The following SLC24A4 variants were observed in gnomAD, a reference collection of about 807,000 sequenced individuals.
SLC24A4 encodes the protein sodium/potassium/calcium exchanger 4.
A neutral mutation model predicts 79.0 loss-of-function variants in SLC24A4; 53 were observed. The ratio of observed to expected loss-of-function variants is 0.67; its 90% CI spans 0.54 to 0.84. SLC24A4 has a LOEUF of 0.84. Among genes scored for constraint, SLC24A4 ranks in the 40% least tolerant of loss-of-function variants. The pLI is 0.00. For synonymous variants in SLC24A4, 323 were observed against 323.8 expected (o/e 1.00, Z 0.03); for missense variants, 731 against 822.0 (o/e 0.89, Z 1.35).
intron 12 of SLC24A4, among the ~76,000 whole-genome samples, chr14:92,476,057 A>C (rs553027749): frequency 2.6e-5 from 4 of 152,330 alleles, no homozygotes; most frequent in African/African-American, 9.6e-5. Context: ...GGCAAGAAAA[A>C]GGCAAACACC....
rs1009603966 is a variant in SLC24A4, at chr14:92,353,636, G to A, written c.241+27658G>A. Among the ~76,000 whole-genome samples the A allele has an allele frequency of 3.1e-4, 47 of 152,204 alleles. No individual in the cohort carries two copies. The highest frequency in any genetic ancestry group is 1.1e-3 in the African/African-American group (46 of 41,438). ...TCAGTTTGTTTCAGTCATGAGTGAGGTTGAGCATTTTTCCTATTAGAGTCA... is the reference window on the plus strand; with the variant it reads ...TCAGTTTGTTTCAGTCATGAGTGAGATTGAGCATTTTTCCTATTAGAGTCA... On this transcript the variant is annotated intron_variant, in intron 2 of 16. Coordinates refer to ENST00000532405, the MANE Select transcript of SLC24A4 (RefSeq NM_153646.4). The surrounding 1 kb of genome is among the most constrained non-coding windows in gnomAD (Gnocchi z 4.1).
chr14:92,477,307 T>A (rs1291527566), intron 12 of SLC24A4, among the ~76,000 whole-genome samples: 1 of 152,252 alleles, frequency 6.6e-6, no homozygotes, highest in Admixed American at 6.5e-5. Flanking sequence ...TTTGCCTTTT[T>A]TAAGAAAATT....
At chr14:92,379,091 T>C (rs1441911479) in intron 2 of SLC24A4, among the ~76,000 whole-genome samples, 1 of 152,120 alleles carries the variant, frequency 6.6e-6, no homozygotes, top group Non-Finnish European at 1.5e-5. Flanking sequence ...GCTAGCTAGC[T>C]AGATAGATAG....
In SLC24A4 at chr14:92,398,079, TG is replaced by T. The variant is rs1322973619; in HGVS notation, c.242-35830del. ...AGCCCTTTATCCTCTGCCTGGCCAT[TG>T]GGCAGTGAGGATCTGGGGCCGTGGC... On this transcript the variant is annotated intron_variant, in intron 2 of 16. Coordinates refer to ENST00000532405, the MANE Select transcript of SLC24A4 (RefSeq NM_153646.4). This position sits in a 1 kb window ranked among gnomAD's most constrained non-coding sequence, Gnocchi z 4.1. Among the ~76,000 whole-genome samples the T allele has an allele frequency of 6.6e-6, 1 of 152,228 alleles. No homozygotes were observed. The highest frequency in any genetic ancestry group is 2.4e-5 in the African/African-American group (1 of 41,462).
chr14:92,423,371 C>G (rs1891392083), intron 2 of SLC24A4, among the ~76,000 whole-genome samples: 1 of 152,204 alleles, frequency 6.6e-6, no homozygotes, highest in Non-Finnish European at 1.5e-5. Context: ...TCTCAAACTC[C>G]TGGACTCAAG....
chr14:92,334,748 C>T (rs1885678352), intron 2 of SLC24A4, among the ~76,000 whole-genome samples: 1 of 152,116 alleles, frequency 6.6e-6, no homozygotes, highest in African/African-American at 2.4e-5. Context: ...TGCTAAGCAT[C>T]AGGATTTCTC....
At chr14:92,333,371 A>C (rs1024377804) in intron 2 of SLC24A4, among the ~76,000 whole-genome samples, 8 of 152,208 alleles carry the variant, frequency 5.3e-5, no homozygotes, top group Non-Finnish European at 8.8e-5. Context: ...CTGGGATTAC[A>C]GGCATGAGCC....
At chr14:92,363,712 C>T (rs1425516563) in intron 2 of SLC24A4, among the ~76,000 whole-genome samples, 1 of 152,130 alleles carries the variant, frequency 6.6e-6, no homozygotes, top group Non-Finnish European at 1.5e-5. Flanking sequence ...CATCTGTGGT[C>T]TCAGCTACTT....
chr14:92,395,872 C>T (rs2141750030), intron 2 of SLC24A4, among the ~76,000 whole-genome samples: 1 of 152,180 alleles, frequency 6.6e-6, no homozygotes, highest in East Asian at 1.9e-4. Flanking sequence ...GTCGCCCAGG[C>T]TGGAGTGCAG....
chr14:92,341,126 C>T (rs529322183), intron 2 of SLC24A4, among the ~76,000 whole-genome samples: 4 of 152,320 alleles, frequency 2.6e-5, no homozygotes, highest in Middle Eastern at 3.4e-3. Flanking sequence ...AAAGTGGCAG[C>T]GGCCCTGCCT....
chr14:92,432,776 A>G (rs1016083840), intron 2 of SLC24A4, among the ~76,000 whole-genome samples: 3 of 152,200 alleles, frequency 2.0e-5, no homozygotes, highest in African/African-American at 7.2e-5. Flanking sequence ...ATCAGATCTG[A>G]AAAATCAGAA....
chr14:92,445,255 T>C, intron 7 of SLC24A4, 62 bp from the exon 8 acceptor site: 1 of 1,600,796 alleles, frequency 6.2e-7, no homozygotes, highest in South Asian at 1.1e-5. Flanking sequence ...GTGTCCGTGC[T>C]TGTTCTTGTT....
intron 2 of SLC24A4, among the ~76,000 whole-genome samples, chr14:92,368,246 C>T (rs1595173255): frequency 6.6e-6 from 1 of 152,152 alleles, no homozygotes; most frequent in African/African-American, 2.4e-5. Flanking sequence ...CCTGAATTTA[C>T]ACAGTCTGAG....
At chr14:92,467,113 C>T (rs2139879740) in intron 12 of SLC24A4, among the ~76,000 whole-genome samples, 1 of 152,312 alleles carries the variant, frequency 6.6e-6, no homozygotes, top group South Asian at 2.1e-4. Flanking sequence ...GAAGCAGGGT[C>T]TGTTTGTGGC....
chr14:92,443,860 CAT>C (rs1280646417), intron 7 of SLC24A4, among the ~76,000 whole-genome samples: 2 of 152,144 alleles, frequency 1.3e-5, no homozygotes, highest in African/African-American at 2.4e-5. Context: ...CAGGGTCACT[CAT>C]GTGGCTGTGG....
chr14:92,456,372 C>T (rs899022715), intron 11 of SLC24A4, 32 bp from the exon 12 acceptor site: 1 of 1,611,918 alleles, frequency 6.2e-7, no homozygotes, highest in Non-Finnish European at 8.5e-7. Context: ...TATCACATGC[C>T]TTGGTGTCCA....
Position 92,445,342 on chromosome 14 carries a change from GGTAA to G in SLC24A4, c.683+3_683+6del. The G allele has an allele frequency of 6.2e-7, 1 of 1,613,758 alleles. No individual in the cohort carries two copies. The highest frequency in any genetic ancestry group is 8.5e-7 in the Non-Finnish European group (1 of 1,179,776). ...TTCATATATGATGAACAAATTGTGT[GGTAA>G]GTTTTTCAAGTGTAGTTTTCATTGT... On this transcript the variant is annotated splice_donor_variant and splice_donor_region_variant and intron_variant, in intron 8 of 16. Coordinates refer to ENST00000532405, the MANE Select transcript of SLC24A4 (RefSeq NM_153646.4). LOFTEE classifies it high-confidence loss of function.
intron 2 of SLC24A4, among the ~76,000 whole-genome samples, chr14:92,345,333 T>G (rs923443683): frequency 2.0e-5 from 3 of 152,238 alleles, no homozygotes; most frequent in African/African-American, 7.2e-5. Flanking sequence ...TCTGCGCCTC[T>G]GTTTCACTGT....
At chr14:92,474,926 G>A (rs1316974437) in intron 12 of SLC24A4, among the ~76,000 whole-genome samples, 2 of 145,562 alleles carry the variant, frequency 1.4e-5, no homozygotes, top group Non-Finnish European at 3.0e-5. Context: ...TCGAACTCCT[G>A]ACCTCAAGTG....
Sources: gnomAD v4.1 joint callset for allele counts (sites outside exome capture counted in the v4.1 genomes callset) on GRCh38, gnomAD v4.1.1 for gene constraint, Gnocchi (gnomAD v3.1) non-coding constraint, MANE v1.5 for transcripts, NCBI Gene and HGNC (gene_info 2026-07-23, HGNC 2026-07-21) for gene names.